MAP3K10: variants seen among roughly 807,000 people sequenced by gnomAD.
MAP3K10 encodes MKN28 derived nonreceptor_type serine/threonine kinase.
A neutral mutation model predicts 75.0 loss-of-function variants in MAP3K10; 22 were observed. The ratio of observed to expected loss-of-function variants is 0.29; its 90% CI spans 0.21 to 0.42. MAP3K10 has a LOEUF of 0.42. MAP3K10 is among the 10% of genes least tolerant of loss of function. The pLI is 1.00. For synonymous variants in MAP3K10, 599 were observed against 612.9 expected, an observed-to-expected ratio of 0.98 and a Z score of 0.34; for missense variants, 1,165 against 1,379.8, an observed-to-expected ratio of 0.84 and a Z score of 2.47.
chr19:40,195,471 CTTTTTTTTTTTTTTTTTTTT>C (rs61289931), intron 1 of MAP3K10, among the ~76,000 whole-genome samples: 7 of 48,660 alleles, frequency 1.4e-4, no homozygotes, highest in Admixed American at 3.7e-4. Flanking sequence ...CCCGCCCGGC[CTTTTTTTTTTTTTTTTTTTT>C]TTTTTTTTTT....
In MAP3K10 at chr19:40,213,014, G is replaced by A. The variant is rs772631958; in HGVS notation, c.1724+38G>A. 1.9e-6 allele frequency: 3 copies of A among 1,592,928 alleles called. No homozygotes were observed. Among genetic ancestry groups the A allele is most frequent in the East Asian group, 2.2e-5 (1 of 44,786 alleles). ...GTGGTCATGCCCACCCTGTGCCCAA[G>A]CCCCAGCTCCCAGGCTCCAGGCCAC... On this transcript the variant is annotated intron_variant, in intron 7 of 9. Transcript: ENST00000253055. The surrounding 1 kb of genome is among the most constrained non-coding windows in gnomAD (Gnocchi z 5.7).
At position 40,215,278 on chromosome 19, in the gene MAP3K10, C is replaced by T. The variant is rs771762747; in HGVS notation, c.2851C>T (p.His951Tyr). The T allele has an allele frequency of 2.6e-6, 4 of 1,546,702 alleles. No individual in the cohort carries two copies. The African/African-American group carries it at 4.1e-5, about 16-fold the overall frequency. ...CAGCACAGTGCCCCTGTGCGGGGCC[C>T]ACGGCTCCCACTAAGGCCTGCCCAC... ...QDSTVPLCGA[H>Y]GSH Residue 951 changes from histidine to tyrosine, a missense_variant, in exon 10 of 10, where the codon CAC becomes TAC. Coordinates refer to ENST00000253055, the MANE Select transcript of MAP3K10 (RefSeq NM_002446.4).
Position 40,214,186 on chromosome 19 carries a change from A to G in MAP3K10, c.2507A>G (p.Gln836Arg), listed in dbSNP as rs756882516. The G allele has an allele frequency of 1.4e-6, 2 of 1,459,808 alleles. No individual in the cohort carries two copies. Among genetic ancestry groups the G allele is most frequent in the South Asian group, 1.4e-5 (1 of 72,794 alleles). 90.4% of individuals were successfully genotyped at this position (1,459,808 alleles called of 1,614,324 possible). ...ACGCCATCGGACGGGGCGCTGGGGCAGCGGGGGCCGCCCGAGCCCGCGGGC... is the reference window on the plus strand; with the variant it reads ...ACGCCATCGGACGGGGCGCTGGGGCGGCGGGGGCCGCCCGAGCCCGCGGGC... ...RRTPSDGALG[Q>R]RGPPEPAGHG... The change falls in exon 9 of 10, where the codon CAG (glutamine) becomes CGG (arginine). Residue 836 changes from glutamine to arginine, a missense_variant. Gln to Arg is a conservative substitution (Grantham distance 43). Around this residue, in one of 2 missense-constraint regions of MAP3K10, gnomAD observed 590 missense variants for 586.6 expected, o/e 1.01. Coordinates refer to ENST00000253055, the MANE Select transcript of MAP3K10 (RefSeq NM_002446.4).
Position 40,213,948 on chromosome 19 carries a change from TC to T in MAP3K10, c.2271del (p.Thr758ArgfsTer64). On this transcript the variant is annotated frameshift_variant, in exon 9 of 10. Transcript: ENST00000253055. LOFTEE classifies it high-confidence loss of function. This position sits in a 1 kb window ranked among gnomAD's most constrained non-coding sequence, Gnocchi z 5.7. ...VSLSSVSDCN[S>X]TRSLLRSDSD... ...GCTGTCGTCCGTGTCCGACTGCAAC[TC>T]CACGCGTTCACTGCTGCGCTCTGAC... 6.5e-7 allele frequency: 1 copy of T among 1,531,758 alleles called. No individual in the cohort carries two copies. The highest frequency in any genetic ancestry group is 8.7e-7 in the Non-Finnish European group (1 of 1,147,084). 94.9% of individuals were successfully genotyped at this position (1,531,758 alleles called of 1,614,324 possible).
chr19:40,192,422 C>T lies in MAP3K10; in HGVS notation c.391C>T (p.Pro131Ser), dbSNP rs1266362213. Residue 131 changes from proline (P) to serine (S), a missense_variant, in exon 1 of 10, where the codon CCT (proline) becomes TCT (serine). Coordinates refer to ENST00000253055, the MANE Select transcript of MAP3K10 (RefSeq NM_002446.4). This position sits in a 1 kb window ranked among gnomAD's most constrained non-coding sequence, Gnocchi z 7.1. ...EVAVKAARLD[P>S]EKDPAVTAEQ... The stretch of plus-strand genomic sequence containing the variant: ...GGCAGTCAAGGCCGCCCGGCTGGAC[C>T]CTGAGAAGGACCCGGCAGTGACAGC... The T allele has an allele frequency of 1.9e-6, 3 of 1,614,014 alleles. No homozygotes were observed. In the South Asian group the frequency reaches 3.3e-5, roughly 18 times the overall value.
rs751773639 is a variant in MAP3K10, at chr19:40,213,593, G to T, written c.1914G>T (p.Val638=). 4.4e-6 allele frequency: 7 copies of T among 1,599,024 alleles called. No individual in the cohort carries two copies. The East Asian group carries it at 1.6e-4, about 37-fold the overall frequency. The change falls in exon 9 of 10, where the codon GTG becomes GTT. Residue 638 remains valine (V), a synonymous_variant. Coordinates refer to ENST00000253055, the MANE Select transcript of MAP3K10 (RefSeq NM_002446.4). The surrounding 1 kb of genome is among the most constrained non-coding windows in gnomAD (Gnocchi z 5.7). ...SPYSTPSYLS[V]PLPAEPSPGA... is the part of the protein sequence containing the mutation. ...ACTCGACCCCGTCCTACCTCTCAGT[G>T]CCACTGCCTGCCGAGCCCTCCCCGG...
chr19:40,211,693 C>T (rs1973243617), intron 6 of MAP3K10, among the ~76,000 whole-genome samples: 1 of 152,070 alleles, frequency 6.6e-6, no homozygotes, highest in Non-Finnish European at 1.5e-5. Flanking sequence ...CATGTCCCTG[C>T]AAAGGACATG....
Position 40,214,030 on chromosome 19 carries a change from CACCCACGCCCTCGCCCAGCACCAA to C in MAP3K10, c.2352_2375del (p.Thr786_Pro793del). On this transcript the variant is annotated inframe_deletion, in exon 9 of 10. Transcript: ENST00000253055. ...CCACCACCCTCCCCGCCCGCGCCCA[CACCCACGCCCTCGCCCAGCACCAA>C]CCCCCTGGTGGACCTGGAGCTGGAG... 1 of 1,521,850 alleles carries C rather than the reference CACCCACGCCCTCGCCCAGCACCAA, an allele frequency of 6.6e-7. No individual in the cohort carries two copies. The highest frequency in any genetic ancestry group is 8.8e-7 in the Non-Finnish European group (1 of 1,139,536). The allele number at this position is 1,521,850 out of a possible 1,614,324, so 94.3% of individuals were successfully genotyped here.
chr19:40,202,400 C>T (rs936131216), intron 2 of MAP3K10, among the ~76,000 whole-genome samples: 2 of 152,180 alleles, frequency 1.3e-5, no homozygotes, highest in African/African-American at 4.8e-5. Flanking sequence ...CTGTGCTGAG[C>T]TGCAGATGTG....
intron 1 of MAP3K10, among the ~76,000 whole-genome samples, chr19:40,193,748 CATTT>C (rs1972857652): frequency 6.6e-6 from 1 of 152,154 alleles, no homozygotes; most frequent in South Asian, 2.1e-4. Context: ...TTTCTTCATT[CATTT>C]GTTCATTCTT....
chr19:40,214,285 C>T lies in MAP3K10; in HGVS notation c.2542+64C>T, dbSNP rs1973308401. On this transcript the variant is annotated intron_variant, in intron 9 of 9. Coordinates refer to ENST00000253055, the MANE Select transcript of MAP3K10 (RefSeq NM_002446.4). ...CTTCTTTCCTCCTCTGCCAGGGTCG[C>T]AAGTCCAGCCCAGCCACGACCCCTC... 3.7e-6 allele frequency: 5 copies of T among 1,359,586 alleles called. No homozygotes were observed. The East Asian group carries it at 1.5e-4, about 42-fold the overall frequency. The allele number at this position is 1,359,586 out of a possible 1,614,324, so 84.2% of individuals were successfully genotyped here. A position where few individuals can be genotyped will look rare whatever the true frequency, so the allele number is the denominator to read the frequency against.
rs1287920430 is a variant in MAP3K10, at chr19:40,198,261, G to A, written c.683-114G>A. 5 of 990,332 alleles carry A rather than the reference G, an allele frequency of 5.0e-6. No homozygotes were observed. The South Asian group carries it at 6.3e-5, about 12-fold the overall frequency. The allele number at this position is 990,332 out of a possible 1,614,324, so 61.3% of individuals were successfully genotyped here. On this transcript the variant is annotated intron_variant, in intron 1 of 9. Transcript: ENST00000253055. The surrounding 1 kb of genome is among the most constrained non-coding windows in gnomAD (Gnocchi z 4.3). ...AGGAAAGGACCTGCCACAGAGCGGG[G>A]CAGCCTGAGGCAGTGAGAGGAAAGA...
intron 6 of MAP3K10, among the ~76,000 whole-genome samples, chr19:40,211,751 G>A (rs550314127): frequency 1.1e-4 from 17 of 152,014 alleles, no homozygotes; most frequent in South Asian, 8.3e-4. Context: ...TGAGACAGAC[G>A]CTCGCTCTGT....
chr19:40,211,144 G>A (rs559625245), intron 6 of MAP3K10, among the ~76,000 whole-genome samples: 5 of 152,244 alleles, frequency 3.3e-5, no homozygotes, highest in African/African-American at 7.2e-5. Flanking sequence ...TGCCCCTGGC[G>A]GAGGGAGCAG....
At chr19:40,208,108 A>C (rs1189150497) in intron 5 of MAP3K10, among the ~76,000 whole-genome samples, 1 of 152,104 alleles carries the variant, frequency 6.6e-6, no homozygotes, top group Non-Finnish European at 1.5e-5. Context: ...AGTTGCTCCA[A>C]ACATGCTTAA....
intron 2 of MAP3K10, among the ~76,000 whole-genome samples, chr19:40,202,887 G>A (rs1193371466): frequency 6.6e-6 from 1 of 152,224 alleles, no homozygotes; most frequent in East Asian, 1.9e-4. Context: ...TAGCTGCAAA[G>A]GAGAATGGAA....
chr19:40,213,096 G>A lies in MAP3K10; in HGVS notation c.1745G>A (p.Gly582Glu). 2 of 1,606,666 alleles carry A rather than the reference G, an allele frequency of 1.2e-6. No homozygotes were observed. The highest frequency in any genetic ancestry group is 1.7e-6 in the Non-Finnish European group (2 of 1,177,336). The change falls in exon 8 of 10, where the codon GGA becomes GAA. Residue 582 changes from glycine (G) to glutamate (E), a missense_variant. Coordinates refer to ENST00000253055, the MANE Select transcript of MAP3K10 (RefSeq NM_002446.4). The surrounding 1 kb of genome is among the most constrained non-coding windows in gnomAD (Gnocchi z 5.7). ...CGCAGGCTGAAGGGGCTGGGGGAAG[G>A]AAGCAAACAGTGGTCATCAAGTGCC... ...GEERLKGLGE[G>E]SKQWSSSAPN...
chr19:40,205,181 A>G lies in MAP3K10; in HGVS notation c.1073A>G (p.Glu358Gly), dbSNP rs1973095613. Residue 358 changes from glutamate to glycine, a missense_variant, in exon 4 of 10, where the codon GAA (glutamate) becomes GGA (glycine). Physicochemically the swap from Glu to Gly is moderately conservative, Grantham distance 98 (BLOSUM62 -2). Around this residue, in one of 2 missense-constraint regions of MAP3K10, gnomAD observed 575 missense variants for 793.2 expected, o/e 0.72. Coordinates refer to ENST00000253055, the MANE Select transcript of MAP3K10 (RefSeq NM_002446.4). The surrounding 1 kb of genome is among the most constrained non-coding windows in gnomAD (Gnocchi z 4.3). The part of the protein sequence containing the change: ...PDFGSILKRL[E>G]VIEQSALFQM... The stretch of plus-strand genomic sequence containing the variant: ...TTCGGTAGCATCTTGAAGCGGCTTG[A>G]AGTCATCGAACAGTCAGCCCTGTTC... 2 of 1,613,924 alleles carry G rather than the reference A, an allele frequency of 1.2e-6. No homozygotes were observed. The highest frequency in any genetic ancestry group is 1.3e-5 in the African/African-American group (1 of 74,904).
intron 2 of MAP3K10, among the ~76,000 whole-genome samples, chr19:40,201,138 T>C (rs1973010415): frequency 6.6e-6 from 1 of 151,822 alleles, no homozygotes; most frequent in Non-Finnish European, 1.5e-5. Context: ...GTTTACTTCA[T>C]GATCCAAAAT....
Sources: gnomAD v4.1 joint callset for allele counts (sites outside exome capture counted in the v4.1 genomes callset) on GRCh38, gnomAD v4.1.1 for gene constraint, gnomAD v4.1.1 regional missense constraint, Gnocchi (gnomAD v3.1) non-coding constraint, MANE v1.5 for transcripts, NCBI Gene and HGNC (gene_info 2026-07-23, HGNC 2026-07-21) for gene names.